CD109: variants seen among roughly 807,000 people sequenced by gnomAD.
CD109 encodes the protein CD109 molecule.
Under a neutral mutation model 165.8 loss-of-function variants are expected in CD109, and 149 were observed. The ratio of observed to expected loss-of-function variants is 0.90; its 90% CI spans 0.79 to 1.03. CD109 has a LOEUF of 1.03. CD109 is among the 50% of genes least tolerant of loss of function. The pLI is 0.00. For synonymous variants in CD109, 585 were observed against 592.1 expected, an observed-to-expected ratio of 0.99 and a Z score of 0.18; for missense variants, 1,712 against 1,677.8, an observed-to-expected ratio of 1.02 and a Z score of -0.36.
chr6:73,791,160 T>TATATATATATATACACATACAC (rs1774930743), intron 22 of CD109, among the ~76,000 whole-genome samples: 3 of 33,408 alleles, frequency 9.0e-5, no homozygotes, highest in Admixed American at 4.5e-4. Flanking sequence ...TATATATATA[T>TATATATATATATACACATACAC]ATATATATAT....
intron 1 of CD109, among the ~76,000 whole-genome samples, chr6:73,696,871 G>A (rs1381139493): frequency 6.6e-6 from 1 of 152,144 alleles, no homozygotes; most frequent in Non-Finnish European, 1.5e-5. Flanking sequence ...ATTTTCACCA[G>A]TTGTAGTTTA....
At chr6:73,806,023 A>G (rs1186588450) in intron 24 of CD109, among the ~76,000 whole-genome samples, 1 of 152,212 alleles carries the variant, frequency 6.6e-6, no homozygotes, top group Non-Finnish European at 1.5e-5. Context: ...TATATACCCA[A>G]AGGATTATAA....
chr6:73,732,490 AC>A (rs1000035426), intron 4 of CD109, among the ~76,000 whole-genome samples: 2 of 152,058 alleles, frequency 1.3e-5, no homozygotes, highest in African/African-American at 4.8e-5. Context: ...AATTCATGTC[AC>A]CCCCCTGAGC....
intron 5 of CD109, among the ~76,000 whole-genome samples, chr6:73,753,590 G>A (rs1773276483): frequency 6.6e-6 from 1 of 152,148 alleles, no homozygotes; most frequent in South Asian, 2.1e-4. Flanking sequence ...CATACTGTCA[G>A]CACCCACTTC....
rs984536999 is a variant in CD109, at chr6:73,825,083, A to G, written c.*1450A>G. On this transcript the variant is annotated 3_prime_UTR_variant, in exon 33 of 33. Transcript: ENST00000287097. ...TATCTTTTAAAGTTAATTTTTAAAA[A>G]TGCTCTTATTTTAGTGAATTTTCAG... is the stretch of plus-strand genomic sequence containing the variant. 22 of 152,226 alleles carry G rather than the reference A, an allele frequency of 1.4e-4. No homozygotes were observed. Among genetic ancestry groups the G allele is most frequent in the African/African-American group, 5.1e-4 (21 of 41,456 alleles). The allele number at this position is 152,226 out of a possible 1,614,324, so 9.4% of individuals were successfully genotyped here.
intron 15 of CD109, among the ~76,000 whole-genome samples, chr6:73,775,569 A>G (rs1028765782): frequency 6.6e-6 from 1 of 152,122 alleles, no homozygotes; most frequent in Non-Finnish European, 1.5e-5. Context: ...TTTGTTACAT[A>G]GGCAACCTTG....
intron 15 of CD109, among the ~76,000 whole-genome samples, chr6:73,773,079 CT>C (rs554910000): frequency 6.2e-4 from 93 of 151,204 alleles, no homozygotes; most frequent in African/African-American, 2.2e-3. Flanking sequence ...TTTTTCTTCC[CT>C]ACATATGTGT....
chr6:73,699,126 A>G (rs1426395601), intron 2 of CD109, among the ~76,000 whole-genome samples: 1 of 152,234 alleles, frequency 6.6e-6, no homozygotes, highest in Non-Finnish European at 1.5e-5. Flanking sequence ...ATCTTATGAT[A>G]GTCGCTAAAG....
chr6:73,701,513 G>A (rs1771077151), intron 2 of CD109, among the ~76,000 whole-genome samples: 1 of 152,208 alleles, frequency 6.6e-6, no homozygotes, highest in African/African-American at 2.4e-5. Context: ...TACTGTGAAA[G>A]GAGTTCCTTG....
chr6:73,784,289 G>A (rs574272723), intron 19 of CD109, among the ~76,000 whole-genome samples: 16 of 127,826 alleles, frequency 1.3e-4, no homozygotes, highest in Admixed American at 3.2e-4. Flanking sequence ...GACCATGAGT[G>A]GCCTGAATTT....
chr6:73,705,125 T>A (rs1162196936), intron 2 of CD109, among the ~76,000 whole-genome samples: 2 of 152,194 alleles, frequency 1.3e-5, no homozygotes, highest in Admixed American at 1.3e-4. Flanking sequence ...TCTAAAAAGA[T>A]GTTTCATTCT....
upstream of CD109, chr6:73,693,891 CT>C (rs34239984): frequency 3.7e-4 from 54 of 146,188 alleles, no homozygotes; most frequent in Non-Finnish European, 2.9e-4. Context: ...CTTTTCTTTT[CT>C]TTTTTTTTTT....
At chr6:73,789,926 T>C (rs536863282) in intron 22 of CD109, among the ~76,000 whole-genome samples, 1 of 151,648 alleles carries the variant, frequency 6.6e-6, no homozygotes, top group East Asian at 1.9e-4. Context: ...CACACCCAGC[T>C]AGTTTTTGTA....
chr6:73,738,000 T>A (rs1772611646), intron 5 of CD109, among the ~76,000 whole-genome samples: 2 of 152,214 alleles, frequency 1.3e-5, no homozygotes, highest in South Asian at 4.1e-4. Context: ...TTAAGGACTT[T>A]ATGGCTGTGA....
At chr6:73,710,965 A>G (rs1167747191) in intron 2 of CD109, among the ~76,000 whole-genome samples, 3 of 152,314 alleles carry the variant, frequency 2.0e-5, no homozygotes, top group Non-Finnish European at 4.4e-5. Flanking sequence ...GAGTTCATAT[A>G]ATTTTTACTT....
At chr6:73,709,673 A>G (rs1239231565) in intron 2 of CD109, among the ~76,000 whole-genome samples, 1 of 152,230 alleles carries the variant, frequency 6.6e-6, no homozygotes, top group African/African-American at 2.4e-5. Flanking sequence ...CCTGATGAAC[A>G]TCGATGCAAA....
At chr6:73,683,074 T>G in the CD109 span, among the ~76,000 whole-genome samples, 1 of 152,222 alleles carries the variant, frequency 6.6e-6, no homozygotes, top group Non-Finnish European at 1.5e-5. Flanking sequence ...TCTTGGTGAT[T>G]AACATTCAGC....
intron 22 of CD109, among the ~76,000 whole-genome samples, chr6:73,791,136 C>CATAT (rs61429872): frequency 0.023 from 1,286 of 55,950 alleles, 11 homozygotes; most frequent in Middle Eastern, 0.031. Flanking sequence ...TACATACATA[C>CATAT]ATATATATAT....
At chr6:73,779,880 A>C (rs975338635) in intron 15 of CD109, among the ~76,000 whole-genome samples, 6 of 152,118 alleles carry the variant, frequency 3.9e-5, no homozygotes, top group Non-Finnish European at 8.8e-5. Flanking sequence ...CTAATGGGGT[A>C]CATGCAAATA....
Sources: gnomAD v4.1 joint callset for allele counts (sites outside exome capture counted in the v4.1 genomes callset) on GRCh38, gnomAD v4.1.1 for gene constraint, MANE v1.5 for transcripts, NCBI Gene and HGNC (gene_info 2026-07-23, HGNC 2026-07-21) for gene names.